NUDCD3: variants seen among roughly 807,000 people sequenced by gnomAD.
The protein encoded by NUDCD3 is NudC domain containing 3.
A neutral mutation model predicts 39.7 loss-of-function variants in NUDCD3; 13 were observed. The observed-to-expected ratio is 0.33, with a 90% CI of 0.21 to 0.52. The LOEUF (loss-of-function observed/expected upper bound fraction) is 0.52. NUDCD3 is among the 20% of genes least tolerant of loss of function. The pLI is 0.96. For synonymous variants in NUDCD3, 175 were observed against 172.4 expected (o/e 1.02, Z -0.12); for missense variants, 453 against 458.1 (o/e 0.99, Z 0.10).
intron 2 of NUDCD3, among the ~76,000 whole-genome samples, chr7:44,446,746 T>C (rs1799696381): frequency 6.6e-6 from 1 of 152,170 alleles, no homozygotes; most frequent in Non-Finnish European, 1.5e-5. Flanking sequence ...TTAAAAAGTG[T>C]TTCAAAGGAG....
intron 3 of NUDCD3, among the ~76,000 whole-genome samples, chr7:44,426,951 G>T (rs1413555649): frequency 6.6e-6 from 1 of 152,156 alleles, no homozygotes; most frequent in Non-Finnish European, 1.5e-5. Flanking sequence ...AGGTTGTGGA[G>T]AATTAAATCA....
At chr7:44,389,893 C>T (rs1248886032) in intron 5 of NUDCD3, among the ~76,000 whole-genome samples, 1 of 152,164 alleles carries the variant, frequency 6.6e-6, no homozygotes, top group South Asian at 2.1e-4. Flanking sequence ...GGTGGAGCCC[C>T]TGACACCTCC....
At chr7:44,484,843 A>G in intron 2 of NUDCD3, 125 bp downstream of exon 2, 2 of 767,054 alleles carry the variant, frequency 2.6e-6, no homozygotes, top group Non-Finnish European at 4.1e-6. Context: ...GTTTACAAAC[A>G]TGAAGAGCTA....
rs1396064191 is a variant in NUDCD3, at chr7:44,456,066, CAAT to C, written c.510-28366_510-28364del. 4.6e-4 allele frequency among the ~76,000 whole-genome samples: 54 copies of C among 117,024 alleles called. 1 individual carries two copies. The highest frequency in any genetic ancestry group is 1.6e-3 in the African/African-American group (53 of 32,476). 76.8% of individuals were successfully genotyped at this position (117,024 alleles called of 152,430 possible). ...AAAAAAAAAACAAAAAAACAAACAA[CAAT>C]AACAATCACTTCCAGAAAACAAGAA... On this transcript the variant is annotated intron_variant, in intron 2 of 5. Coordinates refer to ENST00000355451, the MANE Select transcript of NUDCD3 (RefSeq NM_015332.4).
rs1798333621 is a variant in NUDCD3, at chr7:44,382,993, T to A, written c.*3018A>T. The A allele has an allele frequency of 1.3e-5, 2 of 152,272 alleles. No homozygotes were observed. Among genetic ancestry groups the A allele is most frequent in the Admixed American group, 6.5e-5 (1 of 15,286 alleles). The allele number at this position is 152,272 out of a possible 1,614,324, so 9.4% of individuals were successfully genotyped here. ...TGCTAGGCAATTCTAAGGATTGCCT[T>A]TGAAACAGTCTTTATTCAGCCAAGT... On this transcript the variant is annotated 3_prime_UTR_variant, in exon 6 of 6. Coordinates refer to ENST00000355451, the MANE Select transcript of NUDCD3 (RefSeq NM_015332.4).
At chr7:44,417,280 A>T (rs1297698539) in intron 3 of NUDCD3, among the ~76,000 whole-genome samples, 1 of 152,236 alleles carries the variant, frequency 6.6e-6, no homozygotes, top group African/African-American at 2.4e-5. Context: ...TCTGAACTTC[A>T]GACAAGACAT....
chr7:44,442,666 T>G (rs1426603593), intron 2 of NUDCD3, among the ~76,000 whole-genome samples: 4 of 151,064 alleles, frequency 2.6e-5, no homozygotes, highest in Middle Eastern at 6.5e-3. Flanking sequence ...CCTCCCTAAC[T>G]ACAAGAGGGG....
chr7:44,486,290 G>A (rs532618690), intron 1 of NUDCD3, among the ~76,000 whole-genome samples: 14 of 152,254 alleles, frequency 9.2e-5, no homozygotes, highest in Admixed American at 4.6e-4. Flanking sequence ...TGCACTGCGC[G>A]GGCAGTCAAA....
At chr7:44,426,508 C>A (rs1346425225) in intron 3 of NUDCD3, among the ~76,000 whole-genome samples, 1 of 152,082 alleles carries the variant, frequency 6.6e-6, no homozygotes, top group East Asian at 1.9e-4. Context: ...AAAAAAATAG[C>A]AAGGGAGGCC....
chr7:44,415,522 C>G (rs1012831517), intron 3 of NUDCD3, among the ~76,000 whole-genome samples: 2 of 152,180 alleles, frequency 1.3e-5, no homozygotes, highest in Non-Finnish European at 2.9e-5. Flanking sequence ...AAAATAGGAA[C>G]ACTTTCTAGT....
At chr7:44,477,001 G>T (rs149458024) in intron 2 of NUDCD3, among the ~76,000 whole-genome samples, 1 of 151,662 alleles carries the variant, frequency 6.6e-6, no homozygotes, top group African/African-American at 2.4e-5. Flanking sequence ...TAGGAAACCT[G>T]AAATTTATCT....
At chr7:44,466,655 A>T (rs954272124) in intron 2 of NUDCD3, among the ~76,000 whole-genome samples, 1 of 152,182 alleles carries the variant, frequency 6.6e-6, no homozygotes, top group African/African-American at 2.4e-5. Flanking sequence ...ATCCAAAGTG[A>T]CATTTCTCCT....
intron 2 of NUDCD3, chr7:44,467,953 G>A (rs373002770): frequency 7.5e-6 from 12 of 1,610,418 alleles, no homozygotes; most frequent in South Asian, 4.4e-5. Context: ...GAACCAAGAA[G>A]TTCATCCAGC....
intron 2 of NUDCD3, among the ~76,000 whole-genome samples, chr7:44,477,922 C>T (rs558726295): frequency 3.0e-4 from 46 of 151,222 alleles, no homozygotes; most frequent in African/African-American, 1.1e-3. Context: ...CAACCTCCAC[C>T]TCCCGGGTTC....
intron 2 of NUDCD3, among the ~76,000 whole-genome samples, chr7:44,433,739 G>A (rs1799413472): frequency 1.3e-5 from 2 of 152,068 alleles, no homozygotes; most frequent in African/African-American, 4.8e-5. Context: ...CACCTGGATG[G>A]CAGCCATGGC....
At chr7:44,469,583 G>A (rs189964459) in intron 2 of NUDCD3, among the ~76,000 whole-genome samples, 173 of 152,254 alleles carry the variant, frequency 1.1e-3, no homozygotes, top group Non-Finnish European at 2.1e-3. Flanking sequence ...CTCCCCACAA[G>A]ATACTTATTA....
intron 1 of NUDCD3, 32 bp from the exon 2 acceptor site, chr7:44,485,316 C>A: frequency 6.5e-7 from 1 of 1,527,888 alleles, no homozygotes; most frequent in South Asian, 1.2e-5. Flanking sequence ...GCAATCAGTT[C>A]ATCTGCCCAA....
chr7:44,451,113 C>A (rs1799787032), intron 2 of NUDCD3, among the ~76,000 whole-genome samples: 1 of 152,160 alleles, frequency 6.6e-6, no homozygotes, highest in South Asian at 2.1e-4. Flanking sequence ...AATGGATAAA[C>A]AAAATGTAGT....
intron 1 of NUDCD3, among the ~76,000 whole-genome samples, chr7:44,488,963 A>T (rs1800675205): frequency 1.3e-5 from 2 of 152,146 alleles, no homozygotes; most frequent in South Asian, 4.1e-4. Context: ...TACTATACAT[A>T]TTACTCAGTA....
Sources: gnomAD v4.1 joint callset for allele counts (sites outside exome capture counted in the v4.1 genomes callset) on GRCh38, gnomAD v4.1.1 for gene constraint, MANE v1.5 for transcripts, NCBI Gene and HGNC (gene_info 2026-07-23, HGNC 2026-07-21) for gene names.